COL4A1: variants seen among roughly 807,000 people sequenced by gnomAD.
The protein encoded by COL4A1 is collagen type IV alpha 1 chain.
In COL4A1, 40 loss-of-function variants were observed where a neutral mutation model predicts 216.6. The ratio of observed to expected loss-of-function variants is 0.18; its 90% CI spans 0.14 to 0.24. The LOEUF is 0.24. COL4A1 is among the 10% of genes least tolerant of loss of function. COL4A1 has a pLI of 1.00. For missense variants in COL4A1, 1,628 were observed against 2,196.8 expected, an observed-to-expected ratio of 0.74 and a Z score of 5.18; for synonymous variants, 839 against 810.7, an observed-to-expected ratio of 1.03 and a Z score of -0.59.
Position 110,279,450 on chromosome 13 carries a change from T to A in COL4A1, c.84+27494A>T, listed in dbSNP as rs184317619. On this transcript the variant is annotated intron_variant, in intron 1 of 51. Transcript: ENST00000375820. ...TCAATGACTAGTGTTTCCAGGAAGA[T>A]TGTAAGCTCCTTGAATGTGCAAACC... is the stretch of plus-strand genomic sequence containing the variant. 2.6e-5 allele frequency among the ~76,000 whole-genome samples: 4 copies of A among 152,298 alleles called. No homozygotes were observed. The East Asian group carries it at 7.7e-4, about 29-fold the overall frequency.
At chr13:110,271,658 C>T (rs745762533) in intron 1 of COL4A1, among the ~76,000 whole-genome samples, 1 of 152,114 alleles carries the variant, frequency 6.6e-6, no homozygotes, top group Non-Finnish European at 1.5e-5. Flanking sequence ...TAGAGGTGAC[C>T]AGGGCGATGT....
intron 2 of COL4A1, among the ~76,000 whole-genome samples, chr13:110,216,361 T>G (rs1206174365): frequency 6.6e-6 from 1 of 152,070 alleles, no homozygotes; most frequent in Non-Finnish European, 1.5e-5. Context: ...GCACCCAGTT[T>G]TCGGATATAG....
intron 1 of COL4A1, among the ~76,000 whole-genome samples, chr13:110,248,152 G>A (rs111632812): frequency 6.6e-6 from 1 of 152,100 alleles, no homozygotes; most frequent in African/African-American, 2.4e-5. Flanking sequence ...TGATACTGCC[G>A]TCGAGGGCTC....
At chr13:110,222,565 A>G (rs1001460996) in intron 2 of COL4A1, among the ~76,000 whole-genome samples, 1 of 137,482 alleles carries the variant, frequency 7.3e-6, no homozygotes, top group Non-Finnish European at 1.6e-5. Flanking sequence ...CGAGGTCAGG[A>G]GATCGAGACC....
chr13:110,285,249 C>T (rs1402138558), intron 1 of COL4A1, among the ~76,000 whole-genome samples: 6 of 152,208 alleles, frequency 3.9e-5, no homozygotes, highest in African/African-American at 1.4e-4. Flanking sequence ...ATTCCAAAAA[C>T]GTGAATCTAC....
chr13:110,261,647 C>T (rs1056107390), intron 1 of COL4A1, among the ~76,000 whole-genome samples: 8 of 152,202 alleles, frequency 5.3e-5, no homozygotes, highest in African/African-American at 7.2e-5. Context: ...CCCAGGGAAC[C>T]GCACCCAAGG....
intron 2 of COL4A1, among the ~76,000 whole-genome samples, chr13:110,216,550 T>C (rs115347580): frequency 2.1e-4 from 32 of 152,352 alleles, no homozygotes; most frequent in African/African-American, 7.7e-4. Flanking sequence ...ACTTAATTAA[T>C]ATGGGCAGTA....
intron 2 of COL4A1, among the ~76,000 whole-genome samples, chr13:110,225,648 A>G (rs1435180518): frequency 6.6e-6 from 1 of 152,242 alleles, no homozygotes; most frequent in African/African-American, 2.4e-5. Context: ...AGATCCCAAG[A>G]AAATGATATA....
At chr13:110,164,066 G>A (rs973009996) in intron 46 of COL4A1, among the ~76,000 whole-genome samples, 1 of 138,782 alleles carries the variant, frequency 7.2e-6, no homozygotes, top group African/African-American at 2.7e-5. Context: ...ACCGCTCACT[G>A]CAGCCTCGAC....
At chr13:110,185,102 G>A (rs1878341516) in intron 26 of COL4A1, among the ~76,000 whole-genome samples, 2 of 152,104 alleles carry the variant, frequency 1.3e-5, no homozygotes, top group South Asian at 4.1e-4. Flanking sequence ...GCTCCAACGT[G>A]GTTATTGTTG....
In COL4A1 at chr13:110,163,796, C is replaced by T. The variant is rs60279490; in HGVS notation, c.4151-235G>A. 0.016 allele frequency among the ~76,000 whole-genome samples: 2,382 copies of T among 152,134 alleles called. 79 individuals carry two copies. The highest frequency in any genetic ancestry group is 0.055 in the African/African-American group (2,298 of 41,496). ...GTTTGGGCACCTCGTTCTGAGTTCT[C>T]CCTGGTTTCTTGCTGTTTGGCAGAT... On this transcript the variant is annotated intron_variant, in intron 46 of 51. Transcript: ENST00000375820.
rs149605687 is a variant in COL4A1, at chr13:110,178,440, C to T, written c.2459-209G>A. On this transcript the variant is annotated intron_variant, in intron 31 of 51. Transcript: ENST00000375820. ...TTCTAAAAGAAAAGCACTCCCCTTT[C>T]CTGTCATTGAGAGTCAGCAAGGCCA... 0.012 allele frequency among the ~76,000 whole-genome samples: 1,793 copies of T among 152,304 alleles called. 24 individuals carry two copies. Among genetic ancestry groups the T allele is most frequent in the African/African-American group, 0.039 (1,607 of 41,548 alleles).
chr13:110,192,473 G>A (rs1878679341), intron 23 of COL4A1, among the ~76,000 whole-genome samples, 189 bp from the exon 24 acceptor site: 1 of 152,140 alleles, frequency 6.6e-6, no homozygotes, highest in African/African-American at 2.4e-5. Flanking sequence ...CGACGCACAT[G>A]TACACCCGGA....
chr13:110,211,572 A>G lies in COL4A1; in HGVS notation c.468+75T>C. The stretch of plus-strand genomic sequence containing the variant: ...GATCAGCCAAAGTGGTTTAAAGAGA[A>G]TGTGCTTCTATGGCACTTGTTGTAA... On this transcript the variant is annotated intron_variant, in intron 8 of 51. Transcript: ENST00000375820. The surrounding 1 kb of genome is among the most constrained non-coding windows in gnomAD (Gnocchi z 4.3). The G allele has an allele frequency of 7.0e-7, 1 of 1,427,130 alleles. No homozygotes were observed. Among genetic ancestry groups the G allele is most frequent in the Non-Finnish European group, 9.7e-7 (1 of 1,031,254 alleles). 88.4% of individuals were successfully genotyped at this position (1,427,130 alleles called of 1,614,324 possible). A position where few individuals can be genotyped will look rare whatever the true frequency, so the allele number is the denominator to read the frequency against.
intron 18 of COL4A1, among the ~76,000 whole-genome samples, chr13:110,202,610 G>A (rs1442439991): frequency 2.6e-5 from 4 of 152,108 alleles, no homozygotes; most frequent in African/African-American, 9.7e-5. Flanking sequence ...GGCACTGCAA[G>A]GAAGGCAGCA....
At chr13:110,267,104 G>A (rs962438395) in intron 1 of COL4A1, among the ~76,000 whole-genome samples, 2 of 152,178 alleles carry the variant, frequency 1.3e-5, no homozygotes, top group Admixed American at 6.5e-5. Flanking sequence ...AACCCACAGC[G>A]AGGGCAGCGG....
At chr13:110,231,563 T>G (rs1167557712) in intron 2 of COL4A1, among the ~76,000 whole-genome samples, 2 of 152,130 alleles carry the variant, frequency 1.3e-5, no homozygotes, top group Non-Finnish European at 2.9e-5. Flanking sequence ...TAGCAGAGTG[T>G]TCACTTGGGG....
intron 1 of COL4A1, among the ~76,000 whole-genome samples, chr13:110,275,599 G>C (rs571941442): frequency 6.6e-6 from 1 of 152,302 alleles, no homozygotes; most frequent in South Asian, 2.1e-4. Context: ...CCTGCACATG[G>C]ATGTTTACAG....
At chr13:110,285,615 A>G (rs1883811280) in intron 1 of COL4A1, among the ~76,000 whole-genome samples, 1 of 152,176 alleles carries the variant, frequency 6.6e-6, no homozygotes, top group Non-Finnish European at 1.5e-5. Flanking sequence ...TGGTGCACTG[A>G]GTAAAGCAGA....
Sources: gnomAD v4.1 joint callset for allele counts (sites outside exome capture counted in the v4.1 genomes callset) on GRCh38, gnomAD v4.1.1 for gene constraint, Gnocchi (gnomAD v3.1) non-coding constraint, MANE v1.5 for transcripts, NCBI Gene and HGNC (gene_info 2026-07-23, HGNC 2026-07-21) for gene names.